Variants in PLOD2 observed in about 807,000 individuals in gnomAD.
PLOD2 encodes lysine hydroxylase 2.
In PLOD2, 65 loss-of-function variants were observed where a neutral mutation model predicts 101.0. The ratio of observed to expected loss-of-function variants is 0.64; its 90% CI spans 0.53 to 0.79. The LOEUF (loss-of-function observed/expected upper bound fraction) is 0.79, where lower values mean the gene tolerates loss of function less well. Among genes scored for constraint, PLOD2 ranks in the 30% least tolerant of loss-of-function variants. The pLI is 0.00. For synonymous variants in PLOD2, 314 were observed against 302.9 expected (o/e 1.04, Z -0.38); for missense variants, 909 against 914.6 (o/e 0.99, Z 0.08).
chr3:146,086,075 T>C (rs916318166), intron 10 of PLOD2: 14 of 152,224 alleles, frequency 9.2e-5, no homozygotes, highest in African/African-American at 3.4e-4. Context: ...GTTTGGTTTT[T>C]CAGAGGCCTC....
At chr3:146,113,709 C>A (rs902908894) in intron 3 of PLOD2, among the ~76,000 whole-genome samples, 5 of 152,100 alleles carry the variant, frequency 3.3e-5, no homozygotes, top group Non-Finnish European at 7.4e-5. Context: ...CCTTAGGACC[C>A]TGTGATGATT....
At chr3:146,111,642 A>C (rs767102553) in intron 3 of PLOD2, among the ~76,000 whole-genome samples, 1 of 152,132 alleles carries the variant, frequency 6.6e-6, no homozygotes, top group Non-Finnish European at 1.5e-5. Flanking sequence ...TTTTTAGCCA[A>C]ATACTTGTAC....
chr3:146,114,164 C>T (rs1039646832), intron 3 of PLOD2, among the ~76,000 whole-genome samples: 2 of 152,026 alleles, frequency 1.3e-5, no homozygotes, highest in African/African-American at 2.4e-5. Context: ...AATGCATACC[C>T]GAAATTTCAT....
chr3:146,102,502 T>C lies in PLOD2; in HGVS notation c.777+253A>G, dbSNP rs371758556. On this transcript the variant is annotated intron_variant, in intron 7 of 19. Transcript: ENST00000282903. ...GAAATGTGGCTCACTCCCAAGTTAGTTGTTATTATTTAATAAAACGCCAAA... is the reference window on the plus strand; with the variant it reads ...GAAATGTGGCTCACTCCCAAGTTAGCTGTTATTATTTAATAAAACGCCAAA... 3.3e-5 allele frequency among the ~76,000 whole-genome samples: 5 copies of C among 152,268 alleles called. 1 individual carries two copies. Among genetic ancestry groups the C allele is most frequent in the East Asian group, 1.9e-4 (1 of 5,182 alleles).
chr3:146,143,440 A>T (rs1460113065), intron 1 of PLOD2, among the ~76,000 whole-genome samples: 1 of 152,060 alleles, frequency 6.6e-6, no homozygotes, highest in Non-Finnish European at 1.5e-5. Flanking sequence ...TCCCCATCTA[A>T]GTTGACCACA....
intron 1 of PLOD2, among the ~76,000 whole-genome samples, chr3:146,153,325 G>C (rs2032153225): frequency 1.3e-5 from 2 of 152,078 alleles, no homozygotes; most frequent in South Asian, 2.1e-4. Context: ...GATAGCTGTT[G>C]GTGTTTAGTA....
At chr3:146,147,509 C>A (rs2031838169) in intron 1 of PLOD2, among the ~76,000 whole-genome samples, 1 of 152,096 alleles carries the variant, frequency 6.6e-6, no homozygotes, top group Non-Finnish European at 1.5e-5. Flanking sequence ...ACATTTGGGG[C>A]CAGATAATTC....
At chr3:146,081,401 A>T (rs1936534987) in intron 12 of PLOD2, among the ~76,000 whole-genome samples, 1 of 152,164 alleles carries the variant, frequency 6.6e-6, no homozygotes, top group Non-Finnish European at 1.5e-5. Flanking sequence ...AATTATAACC[A>T]TTAAAAAGTT....
chr3:146,117,760 T>C (rs1038852235), intron 3 of PLOD2, among the ~76,000 whole-genome samples: 2 of 152,132 alleles, frequency 1.3e-5, no homozygotes, highest in African/African-American at 2.4e-5. Context: ...GAAGACACTG[T>C]GTCTTCCATT....
intron 1 of PLOD2, among the ~76,000 whole-genome samples, chr3:146,154,091 T>C (rs2032192157): frequency 6.6e-6 from 1 of 152,200 alleles, no homozygotes; most frequent in Non-Finnish European, 1.5e-5. Flanking sequence ...ATATTTAATT[T>C]CAACTCTGGC....
Position 146,079,114 on chromosome 3 carries a change from A to C in PLOD2, c.1500+2T>G. The C allele has an allele frequency of 2.5e-6, 4 of 1,612,400 alleles. No homozygotes were observed. The highest frequency in any genetic ancestry group is 3.4e-6 in the Non-Finnish European group (4 of 1,178,644). ...CAAGCAAGCCATCACTGCATATCTT[A>C]CCATTTCTCTAGCATTTCGGCAAAG... On this transcript the variant is annotated splice_donor_variant, in intron 13 of 19. Transcript: ENST00000282903. LOFTEE classifies it high-confidence loss of function.
Position 146,110,352 on chromosome 3 carries a change from C to A in PLOD2, c.435G>T (p.Trp145Cys), listed in dbSNP as rs1443289232. 3 of 1,613,718 alleles carry A rather than the reference C, an allele frequency of 1.9e-6. No individual in the cohort carries two copies. The highest frequency in any genetic ancestry group is 1.7e-5 in the Admixed American group (1 of 59,994). The change falls in exon 4 of 20, where the codon TGG becomes TGT. Residue 145 changes from tryptophan (W) to cysteine (C), a missense_variant. By Grantham distance (215) the Trp-to-Cys change is radical. Transcript: ENST00000282903. ...ACTTGTCTGCTAGTCTTTTATCTGG[C>A]CACAAAATTCCATCTGCTGCAAAGA... ...KVVFAADGIL[W>C]PDKRLADKYP...
At chr3:146,137,132 A>AT (rs1257408089) in intron 1 of PLOD2, among the ~76,000 whole-genome samples, 13 of 152,160 alleles carry the variant, frequency 8.5e-5, no homozygotes, top group Non-Finnish European at 1.9e-4. Flanking sequence ...ATGACCTGCG[A>AT]TTTTTTAAAA....
intron 8 of PLOD2, among the ~76,000 whole-genome samples, chr3:146,090,413 T>C (rs149903908): frequency 2.6e-5 from 4 of 151,626 alleles, no homozygotes; most frequent in African/African-American, 9.6e-5. Context: ...TACTCCTACA[T>C]GCAAAAAGAA....
At chr3:146,124,292 C>T (rs2030406597) in intron 1 of PLOD2, 63 bp from the exon 2 acceptor site, 4 of 887,372 alleles carry the variant, frequency 4.5e-6, no homozygotes, top group Non-Finnish European at 7.6e-6. Flanking sequence ...CATTTTACAA[C>T]TCACTACAGT....
At chr3:146,140,606 A>G (rs73148979) in intron 1 of PLOD2, among the ~76,000 whole-genome samples, 13,638 of 152,150 alleles carry the variant, frequency 0.09, 774 homozygotes, top group South Asian at 0.15. Flanking sequence ...ACGCTTTAAT[A>G]AAGAATAGGA....
In PLOD2 at chr3:146,153,606, G is replaced by A. The variant is rs1008600064; in HGVS notation, c.109+7275C>T. ...AGCTTTTCTTCTCCCAGGCCAGATCGATGCCCTAGCATCACAAAGCCAAGG... is the reference window on the plus strand; with the variant it reads ...AGCTTTTCTTCTCCCAGGCCAGATCAATGCCCTAGCATCACAAAGCCAAGG... On this transcript the variant is annotated intron_variant, in intron 1 of 19. Transcript: ENST00000282903. Among the ~76,000 whole-genome samples, 7 of 152,248 alleles carry A rather than the reference G, an allele frequency of 4.6e-5. No homozygotes were observed. In the South Asian group the frequency reaches 8.3e-4, roughly 18 times the overall value.
At chr3:146,128,880 C>CTTTTTTTTTTTTTTTTTTTTTT (rs3975816) in intron 1 of PLOD2, among the ~76,000 whole-genome samples, 1 of 73,180 alleles carries the variant, frequency 1.4e-5, no homozygotes, top group Non-Finnish European at 2.4e-5. Context: ...ATCTGAAATC[C>CTTTTTTTTTTTTTTTTTTTTTT]TTTTTTTTTT....
intron 3 of PLOD2, among the ~76,000 whole-genome samples, chr3:146,111,845 A>AT (rs11360876): frequency 2.7e-5 from 4 of 150,406 alleles, no homozygotes; most frequent in Admixed American, 6.6e-5. Context: ...GTTGTTGATA[A>AT]TTTTTTTTTT....
Sources: allele counts gnomAD v4.1 joint callset (sites outside exome capture counted in the v4.1 genomes callset), GRCh38; gene constraint gnomAD v4.1.1; transcripts MANE v1.5; gene names NCBI Gene and HGNC (gene_info 2026-07-23, HGNC 2026-07-21).